DNAH6: variants seen among roughly 807,000 people sequenced by gnomAD.
DNAH6 encodes dynein axonemal heavy chain 6.
A neutral mutation model predicts 491.4 loss-of-function variants in DNAH6; 340 were observed. The ratio of observed to expected loss-of-function variants is 0.69; its 90% CI spans 0.63 to 0.76. The LOEUF is 0.76. DNAH6 is among the 30% of genes least tolerant of loss of function. DNAH6 has a pLI of 0.00. For synonymous variants in DNAH6, 1,603 were observed against 1,686.1 expected, an observed-to-expected ratio of 0.95 and a Z score of 1.21; for missense variants, 4,443 against 4,972.2, an observed-to-expected ratio of 0.89 and a Z score of 3.20.
chr2:84,573,874 G>C (rs574520212), intron 12 of DNAH6, among the ~76,000 whole-genome samples: 1 of 152,160 alleles, frequency 6.6e-6, no homozygotes. Context: ...TATATAGCCT[G>C]CATATGAGAA....
chr2:84,678,549 C>T (rs1693473989), intron 41 of DNAH6, among the ~76,000 whole-genome samples: 1 of 152,054 alleles, frequency 6.6e-6, no homozygotes, highest in Admixed American at 6.5e-5. Context: ...TTTATGACTA[C>T]AAAAACATCG....
At chr2:84,689,947 T>C (rs114602531) in intron 45 of DNAH6, among the ~76,000 whole-genome samples, 86 of 152,334 alleles carry the variant, frequency 5.6e-4, no homozygotes, top group Non-Finnish European at 1.1e-3. Flanking sequence ...CTTCTTAGCT[T>C]TATCTTCTCC....
intron 52 of DNAH6, 120 bp from the exon 53 acceptor site, chr2:84,706,775 CA>C: frequency 8.5e-7 from 1 of 1,170,710 alleles, no homozygotes; most frequent in South Asian, 1.7e-5. Flanking sequence ...TGTATCACAT[CA>C]AAGTCTTTTT....
intron 18 of DNAH6, among the ~76,000 whole-genome samples, chr2:84,599,208 T>A (rs1293416033): frequency 6.7e-6 from 1 of 148,552 alleles, no homozygotes; most frequent in African/African-American, 2.5e-5. Flanking sequence ...TAAGAGTTAT[T>A]CATATATTCT....
intron 29 of DNAH6, 94 bp from the exon 30 acceptor site, chr2:84,634,410 A>G (rs926491393): frequency 7.8e-7 from 1 of 1,280,832 alleles, no homozygotes; most frequent in African/African-American, 1.6e-5. Flanking sequence ...TGCAGATACC[A>G]CCTCTTTTTT....
chr2:84,488,007 C>G, the DNAH6 span, among the ~76,000 whole-genome samples: 2 of 152,182 alleles, frequency 1.3e-5, no homozygotes, highest in African/African-American at 4.8e-5. Flanking sequence ...TCAACTGACA[C>G]ACTCTTAGGA....
At chr2:84,591,962 C>T (rs548608544) in intron 16 of DNAH6, among the ~76,000 whole-genome samples, 1 of 152,196 alleles carries the variant, frequency 6.6e-6, no homozygotes, top group South Asian at 2.1e-4. Flanking sequence ...GTTAAAGACT[C>T]AAAAGAACTA....
chr2:84,512,156 C>G (rs1291685401), upstream of DNAH6, among the ~76,000 whole-genome samples: 2 of 152,090 alleles, frequency 1.3e-5, no homozygotes, highest in African/African-American at 4.8e-5. Context: ...CCTTATTAAT[C>G]TTTTCTATAG....
intron 29 of DNAH6, among the ~76,000 whole-genome samples, chr2:84,633,064 T>G (rs1209280916): frequency 1.3e-5 from 2 of 152,198 alleles, no homozygotes; most frequent in Non-Finnish European, 2.9e-5. Flanking sequence ...GTATAGAATG[T>G]GTGGCCAGCA....
chr2:84,468,656 G>A, the DNAH6 span, among the ~76,000 whole-genome samples: 1 of 152,182 alleles, frequency 6.6e-6, no homozygotes, highest in Non-Finnish European at 1.5e-5. Flanking sequence ...CTTCGTAGGT[G>A]GGGAATCAAA....
intron 16 of DNAH6, among the ~76,000 whole-genome samples, chr2:84,591,974 A>G (rs1684163068): frequency 6.6e-6 from 1 of 152,216 alleles, no homozygotes; most frequent in Non-Finnish European, 1.5e-5. Flanking sequence ...AAAGAACTAA[A>G]ACTATAAAAT....
intron 64 of DNAH6, among the ~76,000 whole-genome samples, chr2:84,773,776 C>T (rs1675863084): frequency 6.6e-6 from 1 of 152,008 alleles, no homozygotes; most frequent in South Asian, 2.1e-4. Context: ...TAATAATAGC[C>T]ATTCTGACTG....
chr2:84,671,806 G>A (rs1692765041), intron 39 of DNAH6, among the ~76,000 whole-genome samples: 2 of 152,124 alleles, frequency 1.3e-5, no homozygotes, highest in Non-Finnish European at 2.9e-5. Flanking sequence ...TTTTTCTAAT[G>A]AGTGTGTATA....
At chr2:84,716,574 C>T (rs904874013) in intron 58 of DNAH6, among the ~76,000 whole-genome samples, 1 of 152,170 alleles carries the variant, frequency 6.6e-6, no homozygotes, top group African/African-American at 2.4e-5. Context: ...TGCTAACTTG[C>T]TTACCTTCCA....
intron 63 of DNAH6, among the ~76,000 whole-genome samples, chr2:84,755,078 A>G (rs1045753355): frequency 3.3e-5 from 5 of 152,286 alleles, no homozygotes; most frequent in South Asian, 2.1e-4. Flanking sequence ...AATTTTTGCT[A>G]TGATTTAAAT....
intron 40 of DNAH6, among the ~76,000 whole-genome samples, chr2:84,672,729 A>C (rs576203418): frequency 6.6e-6 from 1 of 152,034 alleles, no homozygotes; most frequent in African/African-American, 2.4e-5. Flanking sequence ...CTGTGTCCAA[A>C]CCTCTTCTTA....
At chr2:84,580,150 G>C (rs187690062) in intron 14 of DNAH6, among the ~76,000 whole-genome samples, 5 of 152,256 alleles carry the variant, frequency 3.3e-5, no homozygotes, top group Admixed American at 3.3e-4. Context: ...ATGGAAGTCT[G>C]GCTGCATAAT....
At chr2:84,753,400 AT>A (rs199641329) in intron 63 of DNAH6, among the ~76,000 whole-genome samples, 18 of 150,896 alleles carry the variant, frequency 1.2e-4, no homozygotes, top group East Asian at 2.0e-4. Flanking sequence ...CAGTTTATCT[AT>A]TTTTTTTTCT....
At chr2:84,703,617 T>TA (rs1313860305) in intron 50 of DNAH6, 55 bp downstream of exon 50, 1 of 1,380,068 alleles carries the variant, frequency 7.2e-7, no homozygotes, top group Non-Finnish European at 9.6e-7. Flanking sequence ...ACTGATCACT[T>TA]ATATATAATG....
Sources: gnomAD v4.1 joint callset for allele counts (sites outside exome capture counted in the v4.1 genomes callset) on GRCh38, gnomAD v4.1.1 for gene constraint, MANE v1.5 for transcripts, NCBI Gene and HGNC (gene_info 2026-07-23, HGNC 2026-07-21) for gene names.